Variants in HMCN1 observed in about 807,000 individuals in gnomAD.
HMCN1 encodes the protein hemicentin 1, also known as hemicentin-1.
Under a neutral mutation model 625.9 loss-of-function variants are expected in HMCN1, and 321 were observed. The observed-to-expected ratio is 0.51, with a 90% confidence interval of 0.47 to 0.56. The LOEUF (loss-of-function observed/expected upper bound fraction) is 0.56. Among genes scored for constraint, HMCN1 ranks in the 20% least tolerant of loss-of-function variants. HMCN1 has a pLI of 0.00. For synonymous variants in HMCN1, 2,425 were observed against 2,417.6 expected, an observed-to-expected ratio of 1.00 and a Z score of -0.09; for missense variants, 6,588 against 6,887.3, an observed-to-expected ratio of 0.96 and a Z score of 1.54.
At chr1:186,046,393 C>T (rs1449872479) in intron 41 of HMCN1, among the ~76,000 whole-genome samples, 3 of 151,904 alleles carry the variant, frequency 2.0e-5, no homozygotes, top group Non-Finnish European at 4.4e-5. Flanking sequence ...TGCCTGAACC[C>T]GGGAGGTGGA....
chr1:186,144,216 C>G lies in HMCN1; in HGVS notation c.13968C>G (p.Ser4656Arg). The change falls in exon 90 of 107, where the codon AGC becomes AGG. Residue 4656 changes from serine (S) to arginine (R), a missense_variant. Around this residue, in one of 3 missense-constraint regions of HMCN1, gnomAD observed 1,954 missense variants for 2,013.1 expected, o/e 0.97. Transcript: ENST00000271588. The part of the protein sequence containing the change: ...WSAWQPWGTC[S>R]ESCGKGTQTR... Reference sequence around the variant, plus strand: ...CTTGGCAGCCTTGGGGAACATGCAGCGAAAGTTGTGGGAAAGGTACTCAGA... The same window carrying G: ...CTTGGCAGCCTTGGGGAACATGCAGGGAAAGTTGTGGGAAAGGTACTCAGA... 1 of 1,611,000 alleles carries G rather than the reference C, an allele frequency of 6.2e-7. No individual in the cohort carries two copies.
Position 186,140,335 on chromosome 1 carries a change from G to T in HMCN1, c.13924+2363G>T, listed in dbSNP as rs182859814. 4.9e-4 allele frequency among the ~76,000 whole-genome samples: 75 copies of T among 152,072 alleles called. 1 individual carries two copies. Among genetic ancestry groups the T allele is most frequent in the Non-Finnish European group, 9.0e-4 (61 of 67,980 alleles). On this transcript the variant is annotated intron_variant, in intron 89 of 106. Coordinates refer to ENST00000271588, the MANE Select transcript of HMCN1 (RefSeq NM_031935.3). ...TTTTCTCAGTCTCTTTTTCTTTCATGAACTTGATATTTTTTAATATACAGG... is the reference window on the plus strand; with the variant it reads ...TTTTCTCAGTCTCTTTTTCTTTCATTAACTTGATATTTTTTAATATACAGG...
At chr1:185,798,646 C>A (rs1658568058) in intron 1 of HMCN1, among the ~76,000 whole-genome samples, 1 of 151,918 alleles carries the variant, frequency 6.6e-6, no homozygotes, top group African/African-American at 2.4e-5. Flanking sequence ...ATTCTTTCTT[C>A]TGCTTGTTCT....
At chr1:185,995,764 G>GA (rs1020699245) in intron 24 of HMCN1, among the ~76,000 whole-genome samples, 3 of 152,158 alleles carry the variant, frequency 2.0e-5, no homozygotes, top group Non-Finnish European at 2.9e-5. Context: ...ACTTCTCTGA[G>GA]AAGGTGATCT....
intron 1 of HMCN1, among the ~76,000 whole-genome samples, chr1:185,811,180 A>G (rs1181257522): frequency 6.6e-6 from 1 of 152,128 alleles, no homozygotes; most frequent in Non-Finnish European, 1.5e-5. Flanking sequence ...CGCTTGAAGA[A>G]AAAAAGTCAT....
chr1:186,062,104 T>C, intron 47 of HMCN1, 140 bp downstream of exon 47: 3 of 616,772 alleles, frequency 4.9e-6, no homozygotes, highest in Non-Finnish European at 8.6e-6. Context: ...GAATTCAATA[T>C]CAGAATTGTT....
At position 185,752,485 on chromosome 1, in the gene HMCN1, C is replaced by T. The variant is rs181983456; in HGVS notation, c.268+17438C>T. On this transcript the variant is annotated intron_variant, in intron 1 of 106. Coordinates refer to ENST00000271588, the MANE Select transcript of HMCN1 (RefSeq NM_031935.3). ...TTATTTTGGGCGTTGGAATATTTCC[C>T]CTTATTCTTACAACTCCATCCTAAC... Among the ~76,000 whole-genome samples the T allele has an allele frequency of 1.5e-4, 23 of 152,140 alleles. No individual in the cohort carries two copies. The East Asian group carries it at 1.7e-3, about 11-fold the overall frequency.
intron 40 of HMCN1, among the ~76,000 whole-genome samples, chr1:186,042,169 G>T (rs1009042148): frequency 5.3e-5 from 8 of 152,092 alleles, no homozygotes; most frequent in African/African-American, 1.9e-4. Flanking sequence ...TGTTGCTCCT[G>T]CAATTGACAC....
chr1:185,829,607 C>T (rs1227602069), intron 1 of HMCN1, among the ~76,000 whole-genome samples: 1 of 152,154 alleles, frequency 6.6e-6, no homozygotes, highest in East Asian at 1.9e-4. Flanking sequence ...TTTATGGCTG[C>T]ATAGTATTCC....
intron 1 of HMCN1, among the ~76,000 whole-genome samples, chr1:185,801,489 G>C (rs1398826795): frequency 3.3e-5 from 5 of 152,150 alleles, no homozygotes. Context: ...TGAGATGGTG[G>C]AAAAGCAAAA....
Position 186,132,346 on chromosome 1 carries a change from T to C in HMCN1, c.13249T>C (p.Tyr4417His), listed in dbSNP as rs1661984205. The C allele has an allele frequency of 1.9e-6, 3 of 1,612,840 alleles. No homozygotes were observed. Among genetic ancestry groups the C allele is most frequent in the Non-Finnish European group, 2.5e-6 (3 of 1,179,380 alleles). The change falls in exon 86 of 107, where the codon TAT becomes CAT. Residue 4417 changes from tyrosine (Y) to histidine (H), a missense_variant. This residue lies in a region of HMCN1 where 1,954 missense variants were observed against 2,013.1 expected (regional missense o/e 0.97). Coordinates refer to ENST00000271588, the MANE Select transcript of HMCN1 (RefSeq NM_031935.3). ...TCCATAGAATGAAGATGCCGGTGACTATACATGTGTAGCTACCAATGAAGC... is the reference window on the plus strand; with the variant it reads ...TCCATAGAATGAAGATGCCGGTGACCATACATGTGTAGCTACCAATGAAGC... ...YGTVNEDAGD[Y>H]TCVATNEAGV...
intron 1 of HMCN1, among the ~76,000 whole-genome samples, chr1:185,755,511 G>T (rs568952465): frequency 2.0e-5 from 3 of 152,162 alleles, no homozygotes; most frequent in Non-Finnish European, 4.4e-5. Context: ...GCCTCATGGC[G>T]TAGTGCTGGG....
At chr1:186,181,434 C>T (rs1376607830) in intron 104 of HMCN1, among the ~76,000 whole-genome samples, 2 of 152,044 alleles carry the variant, frequency 1.3e-5, no homozygotes, top group Admixed American at 6.6e-5. Flanking sequence ...GCAGATAGCC[C>T]TTTATAGACT....
chr1:185,802,139 G>T (rs554547652), intron 1 of HMCN1, among the ~76,000 whole-genome samples: 2 of 152,142 alleles, frequency 1.3e-5, no homozygotes, highest in Admixed American at 6.6e-5. Flanking sequence ...TTTAGTGATG[G>T]CTTGGGTAGG....
intron 31 of HMCN1, 104 bp from the exon 32 acceptor site, chr1:186,015,854 G>A (rs1192188351): frequency 1.8e-6 from 2 of 1,103,562 alleles, no homozygotes; most frequent in Admixed American, 3.6e-5. Flanking sequence ...AGATTTTAAT[G>A]GTCAAACTTT....
chr1:186,062,590 T>C lies in HMCN1; in HGVS notation c.7503T>C (p.Cys2501=). The C allele has an allele frequency of 6.2e-7, 1 of 1,609,610 alleles. No homozygotes were observed. Residue 2501 remains cysteine (C), a synonymous_variant, in exon 48 of 107, where the codon TGT becomes TGC. Coordinates refer to ENST00000271588, the MANE Select transcript of HMCN1 (RefSeq NM_031935.3). ...VKEKQSVTLT[C]EVTGNPVPEI... Reference sequence around the variant, plus strand: ...AGAAACAGAGTGTTACGCTGACTTGTGAAGTGACAGGTATGGGCTCAGCTC... The same window carrying C: ...AGAAACAGAGTGTTACGCTGACTTGCGAAGTGACAGGTATGGGCTCAGCTC...
chr1:186,017,163 G>T, intron 33 of HMCN1, 92 bp downstream of exon 33: 2 of 768,228 alleles, frequency 2.6e-6, no homozygotes, highest in Non-Finnish European at 4.8e-6. Flanking sequence ...TCATTAAAAA[G>T]GATTGTATGA....
At chr1:186,065,192 C>A in intron 48 of HMCN1, 46 bp from the exon 49 acceptor site, 1 of 1,490,354 alleles carries the variant, frequency 6.7e-7, no homozygotes, top group South Asian at 1.1e-5. Flanking sequence ...TTTATTCATT[C>A]TATACATGTA....
rs762201145 is a variant in HMCN1, at chr1:186,088,660, T to C, written c.9632T>C (p.Ile3211Thr). 2 of 1,612,110 alleles carry C rather than the reference T, an allele frequency of 1.2e-6. No homozygotes were observed. Among genetic ancestry groups the C allele is most frequent in the Admixed American group, 1.7e-5 (1 of 59,788 alleles). Residue 3211 changes from isoleucine (I) to threonine (T), a missense_variant, in exon 63 of 107, where the codon ATT becomes ACT. Around this residue, in one of 3 missense-constraint regions of HMCN1, gnomAD observed 4,628 missense variants for 4,853.1 expected, o/e 0.95. Transcript: ENST00000271588. Reference protein sequence around the residue: ...RILSGGSKLQIARSQHSDSGN... With the variant: ...RILSGGSKLQTARSQHSDSGN... Reference sequence around the variant, plus strand: ...TTGTCTGGAGGTAGCAAACTCCAGATTGCCCGGTCTCAGCATTCAGATAGT... The same window carrying C: ...TTGTCTGGAGGTAGCAAACTCCAGACTGCCCGGTCTCAGCATTCAGATAGT...
Sources: gnomAD v4.1 joint callset for allele counts (sites outside exome capture counted in the v4.1 genomes callset) on GRCh38, gnomAD v4.1.1 for gene constraint, gnomAD v4.1.1 regional missense constraint, MANE v1.5 for transcripts, NCBI Gene and HGNC (gene_info 2026-07-23, HGNC 2026-07-21) for gene names.